SLC27A2: variants seen among roughly 807,000 people sequenced by gnomAD.
The protein encoded by SLC27A2 is long-chain fatty acid transport protein 2.
Under a neutral mutation model 60.0 loss-of-function variants are expected in SLC27A2, and 54 were observed. The ratio of observed to expected loss-of-function variants is 0.90; its 90% CI spans 0.72 to 1.13. SLC27A2 has a LOEUF of 1.13. Among genes scored for constraint, SLC27A2 ranks in the 50% most tolerant of loss-of-function variants. The pLI is 0.00. For synonymous variants in SLC27A2, 297 were observed against 297.6 expected (o/e 1.00, Z 0.02); for missense variants, 739 against 777.6 (o/e 0.95, Z 0.59).
At chr15:50,193,526 G>A (rs1227414648) in intron 1 of SLC27A2, among the ~76,000 whole-genome samples, 1 of 152,172 alleles carries the variant, frequency 6.6e-6, no homozygotes, top group Non-Finnish European at 1.5e-5. Flanking sequence ...CATGACAGGA[G>A]GAAAGAAAGG....
chr15:50,194,900 T>C (rs547032426), intron 1 of SLC27A2, among the ~76,000 whole-genome samples: 2 of 152,310 alleles, frequency 1.3e-5, no homozygotes, highest in African/African-American at 4.8e-5. Context: ...CTTGGCTCCG[T>C]GGTGAATATT....
rs140102465 is a variant in SLC27A2, at chr15:50,218,783, A to G, written c.973-4182A>G. Among the ~76,000 whole-genome samples, 50 of 152,342 alleles carry G rather than the reference A, an allele frequency of 3.3e-4. 1 individual carries two copies. In the South Asian group the frequency reaches 8.3e-3, roughly 25 times the overall value. ...AAATATTCCATCCAAACAGAATGAA[A>G]AAAAAGCAGAGGAAAACACAGGATC... On this transcript the variant is annotated intron_variant, in intron 4 of 9. Transcript: ENST00000267842.
At chr15:50,205,438 G>T (rs1300316688) in intron 4 of SLC27A2, 75 bp downstream of exon 4, 2 of 1,453,064 alleles carry the variant, frequency 1.4e-6, no homozygotes, top group East Asian at 2.3e-5. Context: ...GTTGTGCTAG[G>T]CTTCAACTGA....
chr15:50,228,196 G>A (rs930680932), intron 7 of SLC27A2, among the ~76,000 whole-genome samples: 2 of 151,958 alleles, frequency 1.3e-5, no homozygotes, highest in Admixed American at 6.5e-5. Context: ...TGGCCAACAA[G>A]GTAAAATCCT....
intron 2 of SLC27A2, chr15:50,198,497 T>C (rs1460672416): frequency 6.6e-6 from 1 of 152,146 alleles, no homozygotes; most frequent in Non-Finnish European, 1.5e-5. Flanking sequence ...GCATTAGAAC[T>C]GTCAGGATTC....
Position 50,182,542 on chromosome 15 carries a change from G to T in SLC27A2, c.115G>T (p.Val39Leu). Residue 39 changes from valine (V) to leucine (L), a missense_variant, in exon 1 of 10, where the codon GTG becomes TTG. Transcript: ENST00000267842. Reference sequence around the variant, plus strand: ...AGGCTACTTCTTGAAGGTGGCCGCCGTGGGCCGGAGGGTGCGCAGCTACGG... The same window carrying T: ...AGGCTACTTCTTGAAGGTGGCCGCCTTGGGCCGGAGGGTGCGCAGCTACGG... ...DIGYFLKVAAVGRRVRSYGKR... is the reference protein window; with the variant it reads ...DIGYFLKVAALGRRVRSYGKR... The T allele has an allele frequency of 6.2e-7, 1 of 1,612,896 alleles. No individual in the cohort carries two copies. Among genetic ancestry groups the T allele is most frequent in the South Asian group, 1.1e-5 (1 of 90,972 alleles).
At chr15:50,191,757 T>C (rs756727260) in intron 1 of SLC27A2, among the ~76,000 whole-genome samples, 11 of 152,210 alleles carry the variant, frequency 7.2e-5, no homozygotes, top group Non-Finnish European at 1.3e-4. Context: ...TATTTTATGC[T>C]TGCATTAGAA....
chr15:50,186,053 C>T (rs1181855733), intron 1 of SLC27A2, among the ~76,000 whole-genome samples: 1 of 150,098 alleles, frequency 6.7e-6, no homozygotes, highest in East Asian at 2.0e-4. Flanking sequence ...GCCTGGGCAA[C>T]ATGATGAAAC....
intron 1 of SLC27A2, 60 bp downstream of exon 1, chr15:50,182,965 G>C: frequency 6.6e-7 from 1 of 1,520,810 alleles, no homozygotes; most frequent in Non-Finnish European, 8.8e-7. Context: ...TGACTGACGA[G>C]CCACAGCGTG....
intron 2 of SLC27A2, chr15:50,198,087 G>C (rs995771077): frequency 1.8e-5 from 3 of 169,858 alleles, no homozygotes; most frequent in African/African-American, 7.2e-5. Flanking sequence ...GAACACAGGA[G>C]AAGACCAGTG....
chr15:50,233,022 C>G (rs1004918721), intron 8 of SLC27A2, among the ~76,000 whole-genome samples: 2 of 152,142 alleles, frequency 1.3e-5, no homozygotes, highest in African/African-American at 2.4e-5. Context: ...ACATTAATAC[C>G]TAATTACCAC....
rs115161624 is a variant in SLC27A2 at position 50,202,712 on chromosome 15, A to G, written c.847+67A>G. On this transcript the variant is annotated intron_variant, in intron 3 of 9. Transcript: ENST00000267842. ...ACATTTTCCCAGAAGGAACAGTAAT[A>G]CAAAATTTGGCTACGTTGCTGTCTG... The G allele has an allele frequency of 1.2e-3, 1,809 of 1,560,058 alleles. 23 individuals are homozygous for G. In the African/African-American group the frequency reaches 0.022, roughly 19 times the overall value.
chr15:50,182,596 C>A lies in SLC27A2; in HGVS notation c.169C>A (p.Arg57=), dbSNP rs780145716. 22 of 1,613,318 alleles carry A rather than the reference C, an allele frequency of 1.4e-5. No individual in the cohort carries two copies. The highest frequency in any genetic ancestry group is 2.2e-5 in the South Asian group (2 of 91,062). Residue 57 remains arginine, a synonymous_variant, in exon 1 of 10, where the codon CGG becomes AGG. Transcript: ENST00000267842. ...GCGGCGGCCGGCGCGCACCATCCTG[C>A]GGGCGTTCCTGGAGAAAGCGCGCCA... ...GKRRPARTIL[R]AFLEKARQTP...
chr15:50,236,044 C>T lies in SLC27A2; in HGVS notation c.1811C>T (p.Pro604Leu). 6.2e-7 allele frequency: 1 copy of T among 1,613,944 alleles called. No individual in the cohort carries two copies. The highest frequency in any genetic ancestry group is 1.7e-5 in the Admixed American group (1 of 60,002). Residue 604 changes from proline to leucine, a missense_variant, in exon 10 of 10, where the codon CCT (proline) becomes CTT (leucine). Pro to Leu is a moderately conservative substitution (Grantham distance 98). Coordinates refer to ENST00000267842, the MANE Select transcript of SLC27A2 (RefSeq NM_003645.4). The part of the protein sequence containing the change: ...FLDDTAKMYV[P>L]MTEDIYNAIS... ...GATGACACAGCAAAAATGTATGTGC[C>T]TATGACTGAGGACATCTATAATGCC...
At chr15:50,235,533 C>T (rs2045345415) in intron 9 of SLC27A2, among the ~76,000 whole-genome samples, 1 of 152,162 alleles carries the variant, frequency 6.6e-6, no homozygotes, top group Non-Finnish European at 1.5e-5. Flanking sequence ...ACAAAGGGCT[C>T]CCTAATGGAG....
At chr15:50,222,004 T>G (rs2045245905) in intron 4 of SLC27A2, 1 of 152,184 alleles carries the variant, frequency 6.6e-6, no homozygotes, top group Non-Finnish European at 1.5e-5. Context: ...TTGTTAACAA[T>G]TAAAAATAAT....
At chr15:50,215,629 G>C (rs925369386) in intron 4 of SLC27A2, among the ~76,000 whole-genome samples, 3 of 152,146 alleles carry the variant, frequency 2.0e-5, no homozygotes, top group African/African-American at 7.2e-5. Flanking sequence ...GTAGACCATT[G>C]CCACAGAATA....
chr15:50,183,034 G>A lies in SLC27A2; in HGVS notation c.478+129G>A, dbSNP rs1034357817. On this transcript the variant is annotated intron_variant, in intron 1 of 9. Coordinates refer to ENST00000267842, the MANE Select transcript of SLC27A2 (RefSeq NM_003645.4). The stretch of plus-strand genomic sequence containing the variant: ...GAACTGTAGGTATAGAAAAAGGTTG[G>A]CAGTGTTTCCTTGAATCGCAAATAA... 4.2e-6 allele frequency: 4 copies of A among 953,368 alleles called. No homozygotes were observed. The African/African-American group carries it at 4.9e-5, about 12-fold the overall frequency. 59.1% of individuals were successfully genotyped at this position (953,368 alleles called of 1,614,324 possible).
chr15:50,209,497 G>A (rs2045138313), intron 4 of SLC27A2, among the ~76,000 whole-genome samples: 1 of 152,118 alleles, frequency 6.6e-6, no homozygotes, highest in East Asian at 1.9e-4. Context: ...GCAGTGAGAT[G>A]AAGGACCCAG....
Sources: gnomAD v4.1 joint callset for allele counts (sites outside exome capture counted in the v4.1 genomes callset) on GRCh38, gnomAD v4.1.1 for gene constraint, MANE v1.5 for transcripts, NCBI Gene and HGNC (gene_info 2026-07-23, HGNC 2026-07-21) for gene names.